FBXL20: variants seen among roughly 807,000 people sequenced by gnomAD.
FBXL20 encodes F-box/LRR-repeat protein 20.
In FBXL20, 11 loss-of-function variants were observed where a neutral mutation model predicts 64.0. That is an observed-to-expected ratio of 0.17 (90% CI 0.11 to 0.28). The LOEUF is 0.28. Among genes scored for constraint, FBXL20 ranks in the 10% least tolerant of loss-of-function variants. FBXL20 has a pLI of 1.00. For missense variants in FBXL20, 303 were observed against 526.2 expected (o/e 0.58, Z 4.15); for synonymous variants, 184 against 189.0 (o/e 0.97, Z 0.22).
chr17:39,305,288 C>G (rs1191875337), intron 2 of FBXL20, among the ~76,000 whole-genome samples: 1 of 152,170 alleles, frequency 6.6e-6, no homozygotes, highest in Non-Finnish European at 1.5e-5. Context: ...TAGAATTTTT[C>G]TCAGCCTTAT....
At chr17:39,282,993 T>G in intron 7 of FBXL20, 138 bp from the exon 8 acceptor site, 1 of 930,622 alleles carries the variant, frequency 1.1e-6, no homozygotes, top group Non-Finnish European at 1.6e-6. Flanking sequence ...ATTTACCTAA[T>G]GTATATTTAG....
At chr17:39,301,176 G>C in intron 3 of FBXL20, 101 bp from the exon 4 acceptor site, 1 of 1,047,222 alleles carries the variant, frequency 9.5e-7, no homozygotes, top group Non-Finnish European at 1.4e-6. Flanking sequence ...GACTAAAATG[G>C]ATCCAAAAAT....
intron 1 of FBXL20, among the ~76,000 whole-genome samples, chr17:39,392,962 C>T (rs1028571997): frequency 1.3e-5 from 2 of 150,498 alleles, no homozygotes; most frequent in Admixed American, 1.3e-4. Context: ...CATCGCACTC[C>T]ATCCTGGACA....
intron 2 of FBXL20, among the ~76,000 whole-genome samples, chr17:39,309,832 GA>G (rs1016327164): frequency 6.7e-6 from 1 of 149,420 alleles, no homozygotes; most frequent in Admixed American, 6.7e-5. Context: ...AAAAGAGAAA[GA>G]AAAAAAAGAA....
In FBXL20 at chr17:39,257,375, TA is replaced by T. The variant is rs766581010; in HGVS notation, c.*4084del. 5.3e-5 allele frequency: 8 copies of T among 152,260 alleles called. No individual in the cohort carries two copies. Among genetic ancestry groups the T allele is most frequent in the Non-Finnish European group, 1.2e-4 (8 of 68,050 alleles). 9.4% of individuals were successfully genotyped at this position (152,260 alleles called of 1,614,324 possible). A position where few individuals can be genotyped will look rare whatever the true frequency, so the allele number is the denominator to read the frequency against. Reference sequence around the variant, plus strand: ...ATCATAAATTTACTAGGTTTCCCTATAAAATGTTTGATACAAGGGATATGTG... The same window carrying T: ...ATCATAAATTTACTAGGTTTCCCTATAAATGTTTGATACAAGGGATATGTG... On this transcript the variant is annotated 3_prime_UTR_variant, in exon 15 of 15. Transcript: ENST00000264658.
At chr17:39,359,311 G>A (rs2047771839) in intron 1 of FBXL20, among the ~76,000 whole-genome samples, 1 of 152,190 alleles carries the variant, frequency 6.6e-6, no homozygotes, top group African/African-American at 2.4e-5. Context: ...ACTCCAGCCT[G>A]AGCGTGGGTG....
At chr17:39,344,288 T>C (rs1210682574) in intron 1 of FBXL20, among the ~76,000 whole-genome samples, 2 of 150,282 alleles carry the variant, frequency 1.3e-5, no homozygotes, top group Non-Finnish European at 3.0e-5. Context: ...GAAGTGGAGG[T>C]TGCAGTGAGC....
At chr17:39,372,290 G>C (rs2047925366) in intron 1 of FBXL20, among the ~76,000 whole-genome samples, 1 of 151,890 alleles carries the variant, frequency 6.6e-6, no homozygotes, top group Admixed American at 6.6e-5. Context: ...GGAGGCTGAG[G>C]CAGGTGGATC....
At chr17:39,334,570 G>C (rs1256621360) in intron 2 of FBXL20, among the ~76,000 whole-genome samples, 1 of 151,650 alleles carries the variant, frequency 6.6e-6, no homozygotes, top group Non-Finnish European at 1.5e-5. Flanking sequence ...ACTTACAGAG[G>C]ATATATCACA....
intron 6 of FBXL20, among the ~76,000 whole-genome samples, chr17:39,295,625 A>C (rs370083353): frequency 6.6e-6 from 1 of 152,214 alleles, no homozygotes; most frequent in South Asian, 2.1e-4. Context: ...TGAATTATGT[A>C]AAATATTTAC....
chr17:39,370,365 C>G (rs2047904551), intron 1 of FBXL20, among the ~76,000 whole-genome samples: 1 of 151,572 alleles, frequency 6.6e-6, no homozygotes, highest in African/African-American at 2.4e-5. Context: ...GTGGCAGGCA[C>G]CTGTATTCCC....
At chr17:39,308,587 C>T (rs1383570171) in intron 2 of FBXL20, among the ~76,000 whole-genome samples, 3 of 144,738 alleles carry the variant, frequency 2.1e-5, no homozygotes, top group South Asian at 4.3e-4. Context: ...TTTTTTGAGA[C>T]GGAGTCTTGC....
intron 1 of FBXL20, among the ~76,000 whole-genome samples, chr17:39,396,577 C>G (rs1460765554): frequency 3.3e-5 from 4 of 121,544 alleles, no homozygotes; most frequent in Non-Finnish European, 6.8e-5. Flanking sequence ...ACCTGGGCGA[C>G]AAAAGCGAAA....
chr17:39,364,416 C>T (rs1220050142), intron 1 of FBXL20, among the ~76,000 whole-genome samples: 2 of 152,060 alleles, frequency 1.3e-5, no homozygotes, highest in Admixed American at 1.3e-4. Context: ...ATTTTGAGAC[C>T]TGGGCAACAT....
intron 9 of FBXL20, 27 bp from the exon 10 acceptor site, chr17:39,275,127 T>C (rs750533556): frequency 6.3e-6 from 10 of 1,593,002 alleles, no homozygotes; most frequent in East Asian, 2.2e-5. Context: ...AAAAAATCCA[T>C]AGATATTAGT....
In FBXL20 at chr17:39,274,976, C is replaced by T. The variant is rs1378589001; in HGVS notation, c.821G>A (p.Arg274Gln). 4.3e-6 allele frequency: 7 copies of T among 1,612,396 alleles called. No individual in the cohort carries two copies. Among genetic ancestry groups the T allele is most frequent in the East Asian group, 2.2e-5 (1 of 44,850 alleles). The change falls in exon 10 of 15, where the codon CGG (arginine) becomes CAG (glutamine). Residue 274 changes from arginine to glutamine, a missense_variant. This residue lies in a region of FBXL20 where 246 missense variants were observed against 422.6 expected (regional missense o/e 0.58). Transcript: ENST00000264658. ...ILNALGQNCPRLRILEVARCS... is the reference protein window; with the variant it reads ...ILNALGQNCPQLRILEVARCS... ...CTAAACAAGAAATGTTTACCTAAGC[C>T]GTGGGCAGTTCTGACCTAGAGCATT...
chr17:39,402,311 C>A, upstream of FBXL20: 1 of 897,066 alleles, frequency 1.1e-6, no homozygotes, highest in Non-Finnish European at 1.5e-6. Context: ...CCCCGCCTCC[C>A]CCGCCCCAGT....
intron 7 of FBXL20, 32 bp downstream of exon 7, chr17:39,285,446 A>G: frequency 7.1e-7 from 1 of 1,408,008 alleles, no homozygotes; most frequent in South Asian, 1.4e-5. Context: ...TTTTTTTTTG[A>G]TTACTTGACA....
In FBXL20 at chr17:39,401,442, G is replaced by C; in HGVS notation, c.-40C>G. On this transcript the variant is annotated 5_prime_UTR_variant, in exon 1 of 15. Transcript: ENST00000264658. The stretch of plus-strand genomic sequence containing the variant: ...CGGCCCGGGCCGGGCGCTGCGGCGA[G>C]CGGAGTGCACAGACCGGGGGCCCAG... The C allele has an allele frequency of 2.6e-6, 4 of 1,566,360 alleles. No individual in the cohort carries two copies. Among genetic ancestry groups the C allele is most frequent in the Non-Finnish European group, 3.5e-6 (4 of 1,157,476 alleles).
Sources: allele counts gnomAD v4.1 joint callset (sites outside exome capture counted in the v4.1 genomes callset), GRCh38; gene constraint gnomAD v4.1.1; regional missense constraint gnomAD v4.1.1; transcripts MANE v1.5; gene names NCBI Gene and HGNC (gene_info 2026-07-23, HGNC 2026-07-21).